Variants in ADAM12 observed in about 807,000 individuals in gnomAD.
ADAM12 encodes ADAM metallopeptidase domain 12.
Under a neutral mutation model 106.4 loss-of-function variants are expected in ADAM12, and 70 were observed. That is an observed-to-expected ratio of 0.66 (90% CI 0.54 to 0.80). ADAM12 has a LOEUF of 0.80. ADAM12 is among the 30% of genes least tolerant of loss of function. The pLI is 0.00. For missense variants in ADAM12, 1,010 were observed against 1,171.9 expected, an observed-to-expected ratio of 0.86 and a Z score of 2.02; for synonymous variants, 420 against 433.5, an observed-to-expected ratio of 0.97 and a Z score of 0.39.
chr10:126,244,521 G>C (rs1359964152), intron 3 of ADAM12, among the ~76,000 whole-genome samples: 1 of 152,180 alleles, frequency 6.6e-6, no homozygotes, highest in East Asian at 1.9e-4. Context: ...GGTAGACATG[G>C]TGGGAAGTTT....
intron 3 of ADAM12, among the ~76,000 whole-genome samples, chr10:126,249,733 C>T (rs970979624): frequency 6.6e-6 from 1 of 152,148 alleles, no homozygotes; most frequent in African/African-American, 2.4e-5. Flanking sequence ...CACCAACATG[C>T]AGCCCTTGCC....
intron 21 of ADAM12, among the ~76,000 whole-genome samples, chr10:126,029,665 G>A (rs143106755): frequency 4.6e-5 from 7 of 152,134 alleles, no homozygotes; most frequent in Non-Finnish European, 8.8e-5. Context: ...CATGTTTACC[G>A]ATGTAACAAA....
intron 3 of ADAM12, among the ~76,000 whole-genome samples, chr10:126,185,772 G>A (rs1957389766): frequency 6.6e-6 from 1 of 152,006 alleles, no homozygotes; most frequent in Admixed American, 6.6e-5. Context: ...GCAGCCCAAT[G>A]CAAGCAATAA....
intron 6 of ADAM12, 102 bp downstream of exon 6, chr10:126,117,936 G>T: frequency 6.0e-6 from 8 of 1,343,640 alleles, no homozygotes; most frequent in Non-Finnish European, 8.4e-6. Context: ...CCCAGATGCC[G>T]CATCATCTAG....
chr10:126,271,072 TC>T (rs1314127774), intron 3 of ADAM12, among the ~76,000 whole-genome samples: 1 of 152,098 alleles, frequency 6.6e-6, no homozygotes, highest in Non-Finnish European at 1.5e-5. Context: ...ACAAGGGCCC[TC>T]CACAGGTCAC....
At chr10:126,099,312 A>C (rs757644301) in intron 9 of ADAM12, among the ~76,000 whole-genome samples, 1 of 152,202 alleles carries the variant, frequency 6.6e-6, no homozygotes, top group Non-Finnish European at 1.5e-5. Flanking sequence ...TATTTTAGCT[A>C]TGGTCAATTG....
intron 5 of ADAM12, among the ~76,000 whole-genome samples, chr10:126,119,936 G>T (rs955156070): frequency 2.0e-5 from 3 of 152,184 alleles, no homozygotes; most frequent in African/African-American, 7.2e-5. Flanking sequence ...TGAGAGAAAG[G>T]TTTTCTTTGG....
chr10:126,297,340 C>T (rs781759872), intron 2 of ADAM12, among the ~76,000 whole-genome samples: 2 of 152,122 alleles, frequency 1.3e-5, no homozygotes, highest in African/African-American at 2.4e-5. Flanking sequence ...GACAGCAATT[C>T]GAGACCAGCC....
At chr10:126,164,131 T>A (rs1353406431) in intron 3 of ADAM12, among the ~76,000 whole-genome samples, 1 of 152,218 alleles carries the variant, frequency 6.6e-6, no homozygotes, top group South Asian at 2.1e-4. Context: ...AGTAAGAGAT[T>A]GGCATCAATT....
In ADAM12 at chr10:126,058,151, C is replaced by T. The variant is rs968639279; in HGVS notation, c.1609+6655G>A. Among the ~76,000 whole-genome samples, 3 of 152,214 alleles carry T rather than the reference C, an allele frequency of 2.0e-5. 1 individual carries two copies. The highest frequency in any genetic ancestry group is 1.3e-4 in the Admixed American group (2 of 15,288). ...TGGAGGCAGGGATTGGCCCTCCTTT[C>T]CCTCCTCCCAAGGTTGTCTTCCTCT... On this transcript the variant is annotated intron_variant, in intron 14 of 22. Transcript: ENST00000448723.
intron 1 of ADAM12, among the ~76,000 whole-genome samples, chr10:126,350,472 G>A (rs866260052): frequency 5.3e-5 from 8 of 152,342 alleles, no homozygotes; most frequent in Middle Eastern, 6.8e-3. Context: ...CCCCGGGACA[G>A]AGACAGCTGC....
intron 21 of ADAM12, 125 bp from the exon 22 acceptor site, chr10:126,019,950 G>T: frequency 8.5e-7 from 1 of 1,179,098 alleles, no homozygotes; most frequent in Non-Finnish European, 1.2e-6. Flanking sequence ...ATACAAGGTG[G>T]GTGGAGGCTG....
At chr10:126,163,678 C>T (rs991062328) in intron 3 of ADAM12, among the ~76,000 whole-genome samples, 3 of 152,174 alleles carry the variant, frequency 2.0e-5, no homozygotes, top group South Asian at 2.1e-4. Flanking sequence ...AGAAACCCCC[C>T]GGCCCCAGAA....
intron 3 of ADAM12, among the ~76,000 whole-genome samples, chr10:126,265,557 G>A (rs933124528): frequency 6.6e-6 from 1 of 152,096 alleles, no homozygotes; most frequent in African/African-American, 2.4e-5. Flanking sequence ...AGAGAAGAAC[G>A]AGGACCACCT....
chr10:126,153,388 G>A (rs937749816), intron 4 of ADAM12, among the ~76,000 whole-genome samples: 11 of 152,162 alleles, frequency 7.2e-5, no homozygotes, highest in African/African-American at 2.7e-4. Flanking sequence ...GTTTAGTTTA[G>A]TTATTCCAAG....
chr10:126,049,131 G>T lies in ADAM12; in HGVS notation c.1917+122C>A. ...AGGATTTATTGACTTTTTCTTCTAG[G>T]TGCATCTGAGAAGAAGTAGATTTAG... On this transcript the variant is annotated intron_variant, in intron 16 of 22. Transcript: ENST00000448723. This position sits in a 1 kb window ranked among gnomAD's most constrained non-coding sequence, Gnocchi z 4.4. 1.6e-6 allele frequency: 2 copies of T among 1,246,212 alleles called. No homozygotes were observed. The highest frequency in any genetic ancestry group is 1.3e-5 in the South Asian group (1 of 75,818). The allele number at this position is 1,246,212 out of a possible 1,614,324, so 77.2% of individuals were successfully genotyped here.
chr10:126,206,925 T>C (rs1013580825), intron 3 of ADAM12, among the ~76,000 whole-genome samples: 17 of 151,112 alleles, frequency 1.1e-4, no homozygotes, highest in Non-Finnish European at 2.5e-4. Flanking sequence ...GTTCTCCTGA[T>C]AGTGAATAAG....
chr10:126,078,633 C>T (rs981315477), intron 11 of ADAM12, among the ~76,000 whole-genome samples: 1 of 152,108 alleles, frequency 6.6e-6, no homozygotes, highest in African/African-American at 2.4e-5. Flanking sequence ...TTTGGCATAA[C>T]TATTTATGGA....
intron 3 of ADAM12, among the ~76,000 whole-genome samples, chr10:126,275,000 G>C (rs900971991): frequency 1.3e-5 from 2 of 152,166 alleles, no homozygotes; most frequent in Non-Finnish European, 2.9e-5. Context: ...AATCGTTCTA[G>C]GCAAAATAAG....
Sources: gnomAD v4.1 joint callset for allele counts (sites outside exome capture counted in the v4.1 genomes callset) on GRCh38, gnomAD v4.1.1 for gene constraint, Gnocchi (gnomAD v3.1) non-coding constraint, MANE v1.5 for transcripts, NCBI Gene and HGNC (gene_info 2026-07-23, HGNC 2026-07-21) for gene names.